The following RARB variants were observed in gnomAD, a reference collection of about 807,000 sequenced individuals.
RARB encodes the protein retinoic acid receptor beta.
RARB carries 17 observed loss-of-function variants against 51.9 expected under a neutral mutation model. The ratio of observed to expected loss-of-function variants is 0.33; its 90% CI spans 0.22 to 0.49. The LOEUF is 0.49. Among genes scored for constraint, RARB ranks in the 20% least tolerant of loss-of-function variants. The pLI is 0.99. For missense variants in RARB, 369 were observed against 550.8 expected, an observed-to-expected ratio of 0.67 and a Z score of 3.30; for synonymous variants, 215 against 195.4, an observed-to-expected ratio of 1.10 and a Z score of -0.84.
At chr3:25,207,659 T>A (rs560344021) in intron 5 of RARB, among the ~76,000 whole-genome samples, 209 of 152,340 alleles carry the variant, frequency 1.4e-3, no homozygotes, top group Non-Finnish European at 2.5e-3. Flanking sequence ...CCTGCGGGAA[T>A]AAAACCCTGT....
intron 4 of RARB, among the ~76,000 whole-genome samples, chr3:25,168,310 C>T (rs7645872): frequency 0.4 from 60,762 of 151,836 alleles, 14,209 homozygotes; most frequent in East Asian, 0.67. Flanking sequence ...AACCTCCGCC[C>T]CCCAGGTTCA....
intron 5 of RARB, among the ~76,000 whole-genome samples, chr3:25,332,401 A>C (rs1372585344): frequency 3.9e-5 from 6 of 152,250 alleles, no homozygotes; most frequent in Admixed American, 3.9e-4. Flanking sequence ...AATCCAGCAT[A>C]TAAACAGAAC....
chr3:25,374,104 G>A (rs1706385275), intron 5 of RARB, among the ~76,000 whole-genome samples: 1 of 152,186 alleles, frequency 6.6e-6, no homozygotes, highest in African/African-American at 2.4e-5. Flanking sequence ...CAAGAGTCAT[G>A]AGCAGGGTGA....
intron 2 of RARB, among the ~76,000 whole-genome samples, chr3:25,029,642 T>C (rs189693988): frequency 9.9e-5 from 15 of 152,284 alleles, no homozygotes; most frequent in East Asian, 5.8e-4. Context: ...ACCCACTTCA[T>C]TGACACCCTG....
At position 24,836,173 on chromosome 3, in the gene RARB, T is replaced by C. The variant is rs139013347; in HGVS notation, c.-459+6770T>C. 7.9e-5 allele frequency among the ~76,000 whole-genome samples: 12 copies of C among 152,302 alleles called. No individual in the cohort carries two copies. In the East Asian group the frequency reaches 2.3e-3, roughly 29 times the overall value. ...ATAAGATAGCATTGTGTAAAGGAAATGAACCTTGACCACCAAGGAATGAGC... is the reference window on the plus strand; with the variant it reads ...ATAAGATAGCATTGTGTAAAGGAAACGAACCTTGACCACCAAGGAATGAGC... On this transcript the variant is annotated intron_variant, in intron 1 of 11. Transcript: ENST00000383772.
intron 4 of RARB, among the ~76,000 whole-genome samples, chr3:25,574,892 G>C (rs1700862166): frequency 6.6e-6 from 1 of 152,120 alleles, no homozygotes; most frequent in Non-Finnish European, 1.5e-5. Context: ...AGATGCATCA[G>C]GAGGGATAGA....
At chr3:24,876,605 G>C (rs554956307) in intron 2 of RARB, among the ~76,000 whole-genome samples, 1 of 152,118 alleles carries the variant, frequency 6.6e-6, no homozygotes, top group African/African-American at 2.4e-5. Context: ...AATATGTCTT[G>C]ATCTTATGAA....
intron 2 of RARB, among the ~76,000 whole-genome samples, chr3:24,957,497 CA>C (rs1042247144): frequency 7.5e-4 from 114 of 151,996 alleles, no homozygotes; most frequent in African/African-American, 2.7e-3. Context: ...GGAGAGTGAC[CA>C]AAGAAAAAGA....
intron 2 of RARB, among the ~76,000 whole-genome samples, chr3:25,496,808 C>A (rs1380776247): frequency 6.6e-6 from 1 of 152,110 alleles, no homozygotes; most frequent in African/African-American, 2.4e-5. Context: ...AAGGAAGTTC[C>A]CAGAAAATGA....
chr3:25,080,216 G>C (rs982470312), intron 3 of RARB, among the ~76,000 whole-genome samples: 1 of 152,170 alleles, frequency 6.6e-6, no homozygotes, highest in African/African-American at 2.4e-5. Context: ...GTTTCACTTA[G>C]AAGAATGTTT....
chr3:25,572,537 G>C (rs1011965123), intron 4 of RARB, among the ~76,000 whole-genome samples: 1 of 152,098 alleles, frequency 6.6e-6, no homozygotes, highest in Non-Finnish European at 1.5e-5. Flanking sequence ...TCTGACTCCA[G>C]GGCAGCTCTT....
chr3:25,222,039 G>A (rs914703246), intron 5 of RARB, among the ~76,000 whole-genome samples: 7 of 152,176 alleles, frequency 4.6e-5, no homozygotes, highest in African/African-American at 1.7e-4. Context: ...AGCGTAATCG[G>A]AACGAGCTAT....
chr3:25,597,791 A>AT lies in RARB; in HGVS notation c.*1176dup, dbSNP rs575026903. 1 of 150,636 alleles carries AT rather than the reference A, an allele frequency of 6.6e-6. No homozygotes were observed. The highest frequency in any genetic ancestry group is 2.5e-5 in the African/African-American group (1 of 40,430). 9.3% of individuals were successfully genotyped at this position (150,636 alleles called of 1,614,324 possible). On this transcript the variant is annotated 3_prime_UTR_variant, in exon 8 of 8. Transcript: ENST00000330688. ...ACTAGTGGAATTTTTTTTTTTTGAT[A>AT]TATTAGCAAGTCTGTGATGTACTTT...
intron 5 of RARB, among the ~76,000 whole-genome samples, chr3:25,201,032 C>A (rs998247542): frequency 1.3e-5 from 2 of 152,146 alleles, no homozygotes; most frequent in South Asian, 2.1e-4. Flanking sequence ...TTACCTTGGG[C>A]AGTATGGCCA....
chr3:25,253,519 G>A (rs1010330627), intron 5 of RARB, among the ~76,000 whole-genome samples: 1 of 152,118 alleles, frequency 6.6e-6, no homozygotes, highest in Non-Finnish European at 1.5e-5. Flanking sequence ...TTATGCACTA[G>A]GAGGGTCCCC....
chr3:25,036,984 T>C (rs1431801623), intron 2 of RARB, among the ~76,000 whole-genome samples: 1 of 152,228 alleles, frequency 6.6e-6, no homozygotes, highest in Non-Finnish European at 1.5e-5. Flanking sequence ...AAAGTTTGTA[T>C]GTGTGATGGT....
chr3:25,415,713 C>T (rs769079347), intron 5 of RARB, among the ~76,000 whole-genome samples: 4 of 152,202 alleles, frequency 2.6e-5, no homozygotes, highest in Admixed American at 6.5e-5. Flanking sequence ...TGCCTTACAA[C>T]AGTAGATCAT....
chr3:25,323,268 G>C (rs1704623236), intron 5 of RARB, among the ~76,000 whole-genome samples: 1 of 152,206 alleles, frequency 6.6e-6, no homozygotes, highest in South Asian at 2.1e-4. Flanking sequence ...CTCAGAATGA[G>C]GGGAAATAGA....
chr3:25,328,468 T>G (rs1704790275), intron 5 of RARB, among the ~76,000 whole-genome samples: 1 of 152,202 alleles, frequency 6.6e-6, no homozygotes, highest in South Asian at 2.1e-4. Context: ...TGCAGTGAGC[T>G]GAGATCATGC....
Sources: gnomAD v4.1 joint callset for allele counts (sites outside exome capture counted in the v4.1 genomes callset) on GRCh38, gnomAD v4.1.1 for gene constraint, MANE v1.5 for transcripts, NCBI Gene and HGNC (gene_info 2026-07-23, HGNC 2026-07-21) for gene names.